The following FBXO34 variants were observed in gnomAD, a reference collection of about 807,000 sequenced individuals.
FBXO34 encodes F-box only protein 34.
FBXO34 carries 12 observed loss-of-function variants against 24.5 expected under a neutral mutation model. That is an observed-to-expected ratio of 0.49 (90% CI 0.31 to 0.79). The LOEUF is 0.79. FBXO34 is among the 30% of genes least tolerant of loss of function. The pLI, the probability that FBXO34 is intolerant of heterozygous loss-of-function variation, is 0.04. For synonymous variants in FBXO34, 320 were observed against 311.9 expected (o/e 1.03, Z -0.27); for missense variants, 823 against 857.7 (o/e 0.96, Z 0.51).
chr14:55,391,214 G>A, the FBXO34 span: 6 of 363,538 alleles, frequency 1.7e-5, no homozygotes, highest in African/African-American at 4.4e-5. Context: ...GGTGGCTCAC[G>A]CCTGTAATCG....
intron 1 of FBXO34, among the ~76,000 whole-genome samples, chr14:55,307,336 C>A (rs114045221): frequency 1.3e-5 from 2 of 152,204 alleles, no homozygotes; most frequent in African/African-American, 4.8e-5. Flanking sequence ...TTTGTCACTG[C>A]AACTTTAAGC....
At chr14:55,315,059 C>T (rs1882881871) in intron 1 of FBXO34, among the ~76,000 whole-genome samples, 1 of 152,150 alleles carries the variant, frequency 6.6e-6, no homozygotes, top group South Asian at 2.1e-4. Flanking sequence ...TTTTGTCCCC[C>T]CATTTCCCTG....
At chr14:55,390,655 G>C in the FBXO34 span, among the ~76,000 whole-genome samples, 1 of 152,252 alleles carries the variant, frequency 6.6e-6, no homozygotes, top group Admixed American at 6.5e-5. Context: ...ACAGGCGTGA[G>C]CTACCACGCC....
At chr14:55,359,145 AG>A (rs1304715770) in intron 3 of FBXO34, among the ~76,000 whole-genome samples, 10 of 152,256 alleles carry the variant, frequency 6.6e-5, no homozygotes, top group East Asian at 3.9e-4. Context: ...AACCAGAAAC[AG>A]CCTTCTGTGG....
the FBXO34 span, chr14:55,386,205 G>T: frequency 1.1e-6 from 1 of 903,864 alleles, no homozygotes; most frequent in Non-Finnish European, 1.7e-6. Flanking sequence ...TAAACTGAAA[G>T]CAAAACCTGA....
chr14:55,412,823 CAA>C, the FBXO34 span, among the ~76,000 whole-genome samples: 2 of 152,254 alleles, frequency 1.3e-5, no homozygotes, highest in African/African-American at 4.8e-5. Flanking sequence ...ACCACAAACT[CAA>C]AGTGTTGGAA....
downstream of FBXO34, among the ~76,000 whole-genome samples, chr14:55,355,431 A>C: frequency 6.6e-6 from 1 of 152,042 alleles, no homozygotes; most frequent in Non-Finnish European, 1.5e-5. Flanking sequence ...CTTGTCTGTC[A>C]CCGTATCTTT....
chr14:55,435,993 A>AG, the FBXO34 span: 12 of 1,126,900 alleles, frequency 1.1e-5, no homozygotes, highest in Non-Finnish European at 1.5e-5. Flanking sequence ...AAAAAAAAAA[A>AG]GACAACTTAT....
downstream of FBXO34, among the ~76,000 whole-genome samples, chr14:55,370,606 G>C (rs1338515439): frequency 6.6e-6 from 1 of 151,620 alleles, no homozygotes; most frequent in African/African-American, 2.4e-5. Flanking sequence ...CTCAGCACAG[G>C]GAACCGAGTC....
chr14:55,370,329 T>A (rs538233217), downstream of FBXO34, among the ~76,000 whole-genome samples: 15 of 152,248 alleles, frequency 9.9e-5, no homozygotes, highest in Non-Finnish European at 1.9e-4. Flanking sequence ...ATACTCTGGA[T>A]ATTATTTAGT....
the FBXO34 span, chr14:55,382,194 A>C: frequency 6.2e-7 from 1 of 1,613,966 alleles, no homozygotes; most frequent in Non-Finnish European, 8.5e-7. Flanking sequence ...CGGGGTCTCT[A>C]CAAGTAGGAA....
chr14:55,411,538 C>A, the FBXO34 span: 3 of 1,505,462 alleles, frequency 2.0e-6, no homozygotes, highest in Non-Finnish European at 2.7e-6. Context: ...AGGTTCCAGC[C>A]TTCGGCTGCC....
At chr14:55,333,370 A>G (rs781482563) in intron 1 of FBXO34, among the ~76,000 whole-genome samples, 2 of 152,162 alleles carry the variant, frequency 1.3e-5, no homozygotes. Flanking sequence ...ATAACCCAGC[A>G]CTAAAATCTG....
downstream of FBXO34, chr14:55,355,200 T>C (rs78572718): frequency 0.058 from 8,860 of 152,348 alleles, 324 homozygotes; most frequent in South Asian, 0.09. Context: ...AAGGAGTGAA[T>C]TGAAAGCTAA....
At chr14:55,375,247 A>G in the FBXO34 span, among the ~76,000 whole-genome samples, 1 of 152,228 alleles carries the variant, frequency 6.6e-6, no homozygotes, top group African/African-American at 2.4e-5. Context: ...TTTTGCTGCT[A>G]CAGTAAAAGG....
chr14:55,327,907 G>GGTTTTTTTTT (rs1883396898), intron 1 of FBXO34, among the ~76,000 whole-genome samples: 1 of 73,872 alleles, frequency 1.4e-5, no homozygotes, highest in Non-Finnish European at 2.7e-5. Context: ...TGTTGTTGTT[G>GGTTTTTTTTT]GTTTTTTTTT....
the FBXO34 span, among the ~76,000 whole-genome samples, chr14:55,415,591 G>A: frequency 2.0e-5 from 3 of 152,262 alleles, no homozygotes; most frequent in East Asian, 5.8e-4. Flanking sequence ...TAGGCGGGGC[G>A]TGGTGGCTCA....
chr14:55,349,186 G>A (rs1884256796), intron 1 of FBXO34, among the ~76,000 whole-genome samples: 1 of 151,954 alleles, frequency 6.6e-6, no homozygotes, highest in Non-Finnish European at 1.5e-5. Flanking sequence ...AGGTTATCTA[G>A]TATTTCAGCC....
At chr14:55,440,648 C>A in the FBXO34 span, 8 of 1,314,120 alleles carry the variant, frequency 6.1e-6, no homozygotes, top group Non-Finnish European at 8.1e-6. Context: ...GATGCGGAAC[C>A]CAGCTACCGG....
Sources: gnomAD v4.1 joint callset for allele counts (sites outside exome capture counted in the v4.1 genomes callset) on GRCh38, gnomAD v4.1.1 for gene constraint, MANE v1.5 for transcripts, NCBI Gene and HGNC (gene_info 2026-07-23, HGNC 2026-07-21) for gene names.